SPARCL1: variants seen among roughly 807,000 people sequenced by gnomAD.
The protein encoded by SPARCL1 is SPARC-like protein 1.
Under a neutral mutation model 67.1 loss-of-function variants are expected in SPARCL1, and 52 were observed. The ratio of observed to expected loss-of-function variants is 0.78; its 90% confidence interval spans 0.62 to 0.98. The LOEUF is 0.98. Among genes scored for constraint, SPARCL1 ranks in the 50% least tolerant of loss-of-function variants. SPARCL1 has a pLI of 0.00. For missense variants in SPARCL1, 717 were observed against 782.4 expected (o/e 0.92, Z 1.00); for synonymous variants, 226 against 267.8 (o/e 0.84, Z 1.52).
At chr4:87,473,980 C>G (rs993296797) in intron 10 of SPARCL1, among the ~76,000 whole-genome samples, 177 bp from the exon 11 acceptor site, 6 of 152,100 alleles carry the variant, frequency 3.9e-5, no homozygotes, top group Non-Finnish European at 8.8e-5. Flanking sequence ...TATTTTTAGG[C>G]CTCACCTCTG....
In SPARCL1 at chr4:87,494,394, C is replaced by A; in HGVS notation, c.406G>T (p.Glu136Ter). ...MSEPQEKKLSENTDFLAPGVS... is the reference protein window; with the variant it reads ...MSEPQEKKLS ...CCAGGAGCCAAAAAATCAGTGTTCT[C>A]TGAGAGTTTTTTCTCCTGAGGCTCA... Residue 136 changes from glutamate (E) to a stop codon, truncating the protein, a stop_gained, in exon 4 of 11, where the codon GAG (glutamate) becomes TAG (stop). Transcript: ENST00000282470. LOFTEE classifies it high-confidence loss of function. The A allele has an allele frequency of 6.2e-7, 1 of 1,614,138 alleles. No individual in the cohort carries two copies. The highest frequency in any genetic ancestry group is 1.7e-4 in the Middle Eastern group (1 of 6,060).
At chr4:87,515,775 T>C (rs1010890897) in intron 1 of SPARCL1, among the ~76,000 whole-genome samples, 6 of 152,204 alleles carry the variant, frequency 3.9e-5, no homozygotes, top group African/African-American at 1.4e-4. Flanking sequence ...AGAGGAATCA[T>C]TTGTCATGGC....
intron 7 of SPARCL1, among the ~76,000 whole-genome samples, chr4:87,487,658 A>G (rs1724131037): frequency 6.6e-6 from 1 of 152,162 alleles, no homozygotes; most frequent in Non-Finnish European, 1.5e-5. Flanking sequence ...AGGTTGAGGA[A>G]GTTCTCCTGG....
At chr4:87,494,647 T>C in intron 3 of SPARCL1, 49 bp from the exon 4 acceptor site, 1 of 1,389,982 alleles carries the variant, frequency 7.2e-7, no homozygotes, top group East Asian at 2.3e-5. Context: ...AATGTAACCA[T>C]ATTTATGCCT....
intron 1 of SPARCL1, among the ~76,000 whole-genome samples, chr4:87,519,747 T>G (rs1182171618): frequency 6.6e-6 from 1 of 152,216 alleles, no homozygotes; most frequent in Non-Finnish European, 1.5e-5. Flanking sequence ...TTTTTAAATA[T>G]CTCAGCAATT....
At chr4:87,515,781 A>G (rs1243199439) in intron 1 of SPARCL1, among the ~76,000 whole-genome samples, 2 of 152,242 alleles carry the variant, frequency 1.3e-5, no homozygotes, top group Non-Finnish European at 2.9e-5. Flanking sequence ...ATCATTTGTC[A>G]TGGCAGAAAT....
chr4:87,475,946 T>C (rs1423188434), intron 10 of SPARCL1, among the ~76,000 whole-genome samples: 1 of 152,224 alleles, frequency 6.6e-6, no homozygotes, highest in East Asian at 1.9e-4. Context: ...GCAGCACTAT[T>C]CACAATAGCA....
chr4:87,505,364 T>C (rs1725030952), intron 1 of SPARCL1, among the ~76,000 whole-genome samples: 1 of 152,094 alleles, frequency 6.6e-6, no homozygotes, highest in Non-Finnish European at 1.5e-5. Context: ...ATGCTTAAAG[T>C]AAATATGTGG....
rs746246120 is a variant in SPARCL1 at position 87,493,954 on chromosome 4, C to T, written c.846G>A (p.Ser282=). ...SNAEMEEENA[S]NVNKHIQETE... ...TTTCTTGAATGTGCTTATTGACGTTCGATGCATTTTCCTCTTCCATTTCTG... is the reference window on the plus strand; with the variant it reads ...TTTCTTGAATGTGCTTATTGACGTTTGATGCATTTTCCTCTTCCATTTCTG... Residue 282 remains serine (S), a synonymous_variant, in exon 4 of 11, where the codon TCG becomes TCA. Coordinates refer to ENST00000282470, the MANE Select transcript of SPARCL1 (RefSeq NM_004684.6). 65 of 1,613,958 alleles carry T rather than the reference C, an allele frequency of 4.0e-5. No individual in the cohort carries two copies. The highest frequency in any genetic ancestry group is 1.6e-4 in the Middle Eastern group (1 of 6,082).
chr4:87,486,113 G>C lies in SPARCL1; in HGVS notation c.1532-3553C>G, dbSNP rs189471161. On this transcript the variant is annotated intron_variant, in intron 7 of 10. Transcript: ENST00000282470. ...TATTTCTTGTCTTCTGCTAGCTTTT[G>C]AATGTGTTTGCTCTTGCTTCTCTAG... 5.8e-4 allele frequency among the ~76,000 whole-genome samples: 89 copies of C among 152,146 alleles called. No homozygotes were observed. In the Middle Eastern group the frequency reaches 0.01, roughly 17 times the overall value.
At chr4:87,489,601 A>G (rs1216490299) in intron 7 of SPARCL1, among the ~76,000 whole-genome samples, 1 of 152,236 alleles carries the variant, frequency 6.6e-6, no homozygotes, top group African/African-American at 2.4e-5. Flanking sequence ...TTGTGGTGGC[A>G]AAGGAGCAGA....
At chr4:87,495,300 T>C (rs1724572846) in intron 2 of SPARCL1, among the ~76,000 whole-genome samples, 173 bp from the exon 3 acceptor site, 1 of 152,182 alleles carries the variant, frequency 6.6e-6, no homozygotes, top group Non-Finnish European at 1.5e-5. Flanking sequence ...GAACAGAATG[T>C]TAAGTGGAAG....
chr4:87,498,157 G>A (rs185867132), intron 2 of SPARCL1, among the ~76,000 whole-genome samples: 3 of 152,332 alleles, frequency 2.0e-5, no homozygotes, highest in African/African-American at 7.2e-5. Flanking sequence ...ACTCCTTTCA[G>A]TGTTGAACAT....
At chr4:87,490,227 C>T (rs1188978431) in intron 7 of SPARCL1, 46 bp downstream of exon 7, 3 of 1,567,490 alleles carry the variant, frequency 1.9e-6, no homozygotes. Context: ...AGATTCACCC[C>T]AAGCCCTCTC....
intron 8 of SPARCL1, 61 bp downstream of exon 8, chr4:87,482,363 C>T (rs756023274): frequency 2.4e-5 from 38 of 1,577,582 alleles, no homozygotes; most frequent in African/African-American, 5.4e-5. Flanking sequence ...CCCCCCACCA[C>T]GTCTTTCTTC....
chr4:87,509,972 A>T (rs189979762), intron 1 of SPARCL1, among the ~76,000 whole-genome samples: 2 of 152,332 alleles, frequency 1.3e-5, no homozygotes, highest in East Asian at 1.9e-4. Context: ...AGTGGAGAAA[A>T]GAGGGATAGA....
chr4:87,486,404 A>G (rs1278214312), intron 7 of SPARCL1, among the ~76,000 whole-genome samples: 1 of 152,076 alleles, frequency 6.6e-6, no homozygotes, highest in African/African-American at 2.4e-5. Context: ...CCTGAGTTCT[A>G]ATTTGATTGC....
chr4:87,491,951 C>G (rs1478871237), intron 4 of SPARCL1, among the ~76,000 whole-genome samples: 7 of 59,082 alleles, frequency 1.2e-4, no homozygotes, highest in Non-Finnish European at 1.6e-4. Context: ...CCCACCCCCC[C>G]CCCCAAAAAA....
chr4:87,490,847 G>T lies in SPARCL1; in HGVS notation c.1323C>A (p.Gly441=). The change falls in exon 6 of 11, where the codon GGC becomes GGA. Residue 441 remains glycine (G), a synonymous_variant. Coordinates refer to ENST00000282470, the MANE Select transcript of SPARCL1 (RefSeq NM_004684.6). ...CCTGTTGGTCTGCCTTACAGATGTGGCCTCTTTTACACTGGAAGCTCATGC... is the reference window on the plus strand; with the variant it reads ...CCTGTTGGTCTGCCTTACAGATGTGTCCTCTTTTACACTGGAAGCTCATGC... The part of the protein sequence containing the change: ...DSCMSFQCKR[G]HICKADQQGK... 1 of 1,609,920 alleles carries T rather than the reference G, an allele frequency of 6.2e-7. No individual in the cohort carries two copies. The highest frequency in any genetic ancestry group is 8.5e-7 in the Non-Finnish European group (1 of 1,177,682).
Sources: allele counts gnomAD v4.1 joint callset (sites outside exome capture counted in the v4.1 genomes callset), GRCh38; gene constraint gnomAD v4.1.1; transcripts MANE v1.5; gene names NCBI Gene and HGNC (gene_info 2026-07-23, HGNC 2026-07-21).